The following LYPD6B variants were observed in gnomAD, a reference collection of about 807,000 sequenced individuals.
LYPD6B encodes ly6/PLAUR domain-containing protein 6B.
A neutral mutation model predicts 22.8 loss-of-function variants in LYPD6B; 17 were observed. The observed-to-expected ratio is 0.75, with a 90% CI of 0.51 to 1.12. The LOEUF (loss-of-function observed/expected upper bound fraction) is 1.12, where lower values mean the gene tolerates loss of function less well. Among genes scored for constraint, LYPD6B ranks in the 50% most tolerant of loss-of-function variants. The probability of loss-of-function intolerance (pLI) is 0.00; values close to 1 mark genes in which losing one functional copy is unlikely to be tolerated. For synonymous variants in LYPD6B, 106 were observed against 91.6 expected (o/e 1.16, Z -0.90); for missense variants, 221 against 258.3 (o/e 0.86, Z 0.99).
chr2:149,201,316 T>C (rs1693137192), intron 3 of LYPD6B, among the ~76,000 whole-genome samples: 2 of 152,168 alleles, frequency 1.3e-5, no homozygotes, highest in African/African-American at 2.4e-5. Flanking sequence ...CTCTATGTGA[T>C]GGCTTAGGAC....
intron 3 of LYPD6B, among the ~76,000 whole-genome samples, chr2:149,163,139 A>G (rs1356786235): frequency 6.6e-6 from 1 of 152,152 alleles, no homozygotes; most frequent in Non-Finnish European, 1.5e-5. Context: ...TGGCATCTTC[A>G]TCTGTGAACA....
chr2:149,059,464 G>A (rs555349761), intron 1 of LYPD6B, among the ~76,000 whole-genome samples: 1 of 152,358 alleles, frequency 6.6e-6, no homozygotes, highest in African/African-American at 2.4e-5. Flanking sequence ...AAACCGTTAC[G>A]AAAGAAGGAT....
At chr2:149,073,305 C>T (rs1242739639) in intron 1 of LYPD6B, among the ~76,000 whole-genome samples, 2 of 152,188 alleles carry the variant, frequency 1.3e-5, no homozygotes, top group South Asian at 2.1e-4. Flanking sequence ...AGCTTCACAC[C>T]CATTAGCTGG....
chr2:149,079,027 T>G (rs1449271647), intron 1 of LYPD6B, among the ~76,000 whole-genome samples: 1 of 150,928 alleles, frequency 6.6e-6, no homozygotes, highest in African/African-American at 2.4e-5. Flanking sequence ...TTTAAATGCT[T>G]ATTTAAAATG....
chr2:149,085,995 G>A (rs1178406101), intron 1 of LYPD6B, among the ~76,000 whole-genome samples: 4 of 152,126 alleles, frequency 2.6e-5, no homozygotes, highest in African/African-American at 9.7e-5. Flanking sequence ...ACAGGAGAAA[G>A]GTGCATTAAA....
At position 149,157,989 on chromosome 2, in the gene LYPD6B, C is replaced by T. The variant is rs536456640; in HGVS notation, c.6-2775C>T. On this transcript the variant is annotated intron_variant, in intron 2 of 6. Coordinates refer to ENST00000409642, the MANE Select transcript of LYPD6B (RefSeq NM_177964.5). ...TAGCCACATGGTATGAAGAGTTACA[C>T]GTAGCAGGGGATATTGTAGTCTCGC... Among the ~76,000 whole-genome samples, 4 of 152,108 alleles carry T rather than the reference C, an allele frequency of 2.6e-5. 1 individual carries two copies. The highest frequency in any genetic ancestry group is 4.1e-4 in the South Asian group (2 of 4,822).
At chr2:149,206,182 TAACAGTCA>T (rs1408240353) in intron 4 of LYPD6B, 2 of 281,184 alleles carry the variant, frequency 7.1e-6, no homozygotes, top group Non-Finnish European at 1.5e-5. Flanking sequence ...TCCAGAGATT[TAACAGTCA>T]AGAGGGTGAG....
At chr2:149,056,137 A>G (rs1027442513) in intron 1 of LYPD6B, among the ~76,000 whole-genome samples, 2 of 152,222 alleles carry the variant, frequency 1.3e-5, no homozygotes, top group African/African-American at 4.8e-5. Context: ...GAACATATTC[A>G]TGTAACACAT....
At chr2:149,128,035 G>C (rs1687802659) in intron 1 of LYPD6B, among the ~76,000 whole-genome samples, 1 of 151,726 alleles carries the variant, frequency 6.6e-6, no homozygotes, top group African/African-American at 2.4e-5. Context: ...CCCCATATTT[G>C]GTTATTCAAC....
intron 1 of LYPD6B, among the ~76,000 whole-genome samples, chr2:149,125,187 C>T (rs917116206): frequency 3.3e-5 from 5 of 152,144 alleles, no homozygotes; most frequent in African/African-American, 1.2e-4. Flanking sequence ...TCTTACCTCC[C>T]AGTCAGTGCT....
intron 1 of LYPD6B, among the ~76,000 whole-genome samples, chr2:149,092,557 A>G (rs1176169524): frequency 6.6e-6 from 1 of 152,224 alleles, no homozygotes; most frequent in Non-Finnish European, 1.5e-5. Context: ...AGCTGAGCAC[A>G]TGGCCACCCA....
chr2:149,153,746 G>T (rs2105842567), intron 2 of LYPD6B, among the ~76,000 whole-genome samples: 1 of 152,050 alleles, frequency 6.6e-6, no homozygotes, highest in South Asian at 2.1e-4. Context: ...CTGCACTCCA[G>T]CCTGGCAACA....
At chr2:149,047,193 G>A (rs898481834) in intron 1 of LYPD6B, among the ~76,000 whole-genome samples, 5 of 116,218 alleles carry the variant, frequency 4.3e-5, no homozygotes, top group East Asian at 5.2e-4. Flanking sequence ...GTCTGGCAAC[G>A]CCTGGATAAC....
chr2:149,173,521 G>A (rs563449720), intron 3 of LYPD6B, among the ~76,000 whole-genome samples: 10 of 152,048 alleles, frequency 6.6e-5, no homozygotes, highest in South Asian at 2.1e-4. Flanking sequence ...ACAGAGTTCC[G>A]CAGGATACTA....
At chr2:149,059,705 GGT>G in intron 1 of LYPD6B, among the ~76,000 whole-genome samples, 1 of 152,220 alleles carries the variant, frequency 6.6e-6, no homozygotes, top group Non-Finnish European at 1.5e-5. Context: ...AAGATGAACA[GGT>G]CTTAGGCCAT....
chr2:149,118,807 A>G (rs1483120885), intron 1 of LYPD6B, among the ~76,000 whole-genome samples: 1 of 152,214 alleles, frequency 6.6e-6, no homozygotes, highest in Non-Finnish European at 1.5e-5. Context: ...ATTTGAACCC[A>G]GGTCTGTCTG....
intron 2 of LYPD6B, among the ~76,000 whole-genome samples, chr2:149,156,228 T>A (rs1689692072): frequency 6.6e-6 from 1 of 152,206 alleles, no homozygotes; most frequent in African/African-American, 2.4e-5. Flanking sequence ...GTCTCCTGTT[T>A]CAGAGTCGGG....
intron 1 of LYPD6B, among the ~76,000 whole-genome samples, chr2:149,056,924 T>C (rs955276440): frequency 1.3e-5 from 2 of 152,212 alleles, no homozygotes; most frequent in Admixed American, 1.3e-4. Flanking sequence ...TCCTTCCTGT[T>C]CTTATTAGTT....
intron 1 of LYPD6B, among the ~76,000 whole-genome samples, chr2:149,046,160 T>C (rs1160128407): frequency 6.6e-6 from 1 of 152,212 alleles, no homozygotes; most frequent in African/African-American, 2.4e-5. Flanking sequence ...TGTATTTCTG[T>C]TAATATTCCT....
Sources: gnomAD v4.1 joint callset for allele counts (sites outside exome capture counted in the v4.1 genomes callset) on GRCh38, gnomAD v4.1.1 for gene constraint, MANE v1.5 for transcripts, NCBI Gene and HGNC (gene_info 2026-07-23, HGNC 2026-07-21) for gene names.